The following INSIG1 variants were observed in gnomAD, a reference collection of about 807,000 sequenced individuals.
The protein encoded by INSIG1 is insulin induced gene 1, also known as insulin-induced gene 1 protein.
In INSIG1, 14 loss-of-function variants were observed where a neutral mutation model predicts 26.5. The observed-to-expected ratio is 0.53, with a 90% confidence interval of 0.35 to 0.83. The LOEUF (loss-of-function observed/expected upper bound fraction) is 0.83, where lower values mean the gene tolerates loss of function less well. Among genes scored for constraint, INSIG1 ranks in the 40% least tolerant of loss-of-function variants. The pLI, the probability that INSIG1 is intolerant of heterozygous loss-of-function variation, is 0.01. For missense variants in INSIG1, 272 were observed against 368.9 expected, an observed-to-expected ratio of 0.74 and a Z score of 2.15; for synonymous variants, 147 against 153.3, an observed-to-expected ratio of 0.96 and a Z score of 0.30.
intron 2 of INSIG1, among the ~76,000 whole-genome samples, chr7:155,300,939 G>A (rs957230133): frequency 2.6e-5 from 4 of 152,310 alleles, no homozygotes; most frequent in East Asian, 1.9e-4. Flanking sequence ...GGGCTGTCTC[G>A]CCCCGTACTT....
chr7:155,300,161 T>C (rs1797746110), intron 2 of INSIG1, among the ~76,000 whole-genome samples: 1 of 152,250 alleles, frequency 6.6e-6, no homozygotes, highest in South Asian at 2.1e-4. Flanking sequence ...GTTTCTTTCC[T>C]TTAACCAAAA....
Position 155,308,901 on chromosome 7 carries a change from A to G in INSIG1, c.*631A>G, listed in dbSNP as rs1798012757. 6.6e-6 allele frequency: 1 copy of G among 152,654 alleles called. No individual in the cohort carries two copies. The highest frequency in any genetic ancestry group is 1.5e-5 in the Non-Finnish European group (1 of 68,074). The allele number at this position is 152,654 out of a possible 1,614,324, so 9.5% of individuals were successfully genotyped here. A position where few individuals can be genotyped will look rare whatever the true frequency, so the allele number is the denominator to read the frequency against. ...ATCACCAGTGGGTCAACTGCTTGTC[A>G]TTCCTCCCGTGGCAGTTTGTGTAGA... On this transcript the variant is annotated 3_prime_UTR_variant, in exon 6 of 6. Transcript: ENST00000340368.
At chr7:155,301,911 T>A (rs924019609) in intron 3 of INSIG1, among the ~76,000 whole-genome samples, 3 of 129,016 alleles carry the variant, frequency 2.3e-5, no homozygotes, top group Non-Finnish European at 4.7e-5. Context: ...TATTTATTTA[T>A]ATTTTTATAT....
In INSIG1 at chr7:155,298,269, T is replaced by C. The variant is rs552961989; in HGVS notation, c.-17T>C. ...ACCCCCTTCTTCCAGGAAGCGCCTC[T>C]TGGACGCGTGTGACCGATGCCCAGA... On this transcript the variant is annotated 5_prime_UTR_variant, in exon 2 of 6. Transcript: ENST00000340368. The C allele has an allele frequency of 6.8e-7, 1 of 1,469,404 alleles. No homozygotes were observed. Among genetic ancestry groups the C allele is most frequent in the Non-Finnish European group, 9.0e-7 (1 of 1,114,518 alleles). 91.0% of individuals were successfully genotyped at this position (1,469,404 alleles called of 1,614,324 possible).
chr7:155,298,418 C>T lies in INSIG1; in HGVS notation c.133C>T (p.Pro45Ser), dbSNP rs376046556. ...GATGATCAACGTTTCCGTGTCCGGG[C>T]CCTCCCTGCTGGCGGCCCACGGTGC... ...GEMINVSVSG[P>S]SLLAAHGAPD... The change falls in exon 2 of 6, where the codon CCC becomes TCC. Residue 45 changes from proline (P) to serine (S), a missense_variant. Pro to Ser is a moderately conservative substitution (Grantham distance 74). Transcript: ENST00000340368. 1 of 1,558,118 alleles carries T rather than the reference C, an allele frequency of 6.4e-7. No individual in the cohort carries two copies. Among genetic ancestry groups the T allele is most frequent in the East Asian group, 2.4e-5 (1 of 42,070 alleles).
At chr7:155,303,455 T>C (rs1302256821) in intron 5 of INSIG1, among the ~76,000 whole-genome samples, 1 of 152,246 alleles carries the variant, frequency 6.6e-6, no homozygotes, top group Non-Finnish European at 1.5e-5. Flanking sequence ...AGAGCACCGC[T>C]GCACGTGGCC....
Position 155,298,401 on chromosome 7 carries a change from A to C in INSIG1, c.116A>C (p.Asn39Thr). ...GCGGCCAAGGTTGGGGAGATGATCAACGTTTCCGTGTCCGGGCCCTCCCTG... is the reference window on the plus strand; with the variant it reads ...GCGGCCAAGGTTGGGGAGATGATCACCGTTTCCGTGTCCGGGCCCTCCCTG... ...GLAAKVGEMINVSVSGPSLLA... is the reference protein window; with the variant it reads ...GLAAKVGEMITVSVSGPSLLA... The change falls in exon 2 of 6, where the codon AAC becomes ACC. Residue 39 changes from asparagine to threonine, a missense_variant. Transcript: ENST00000340368. 2 of 1,562,856 alleles carry C rather than the reference A, an allele frequency of 1.3e-6. No individual in the cohort carries two copies. The highest frequency in any genetic ancestry group is 1.7e-6 in the Non-Finnish European group (2 of 1,154,988).
chr7:155,301,518 G>A, intron 2 of INSIG1, 48 bp from the exon 3 acceptor site: 1 of 1,555,236 alleles, frequency 6.4e-7, no homozygotes, highest in South Asian at 1.2e-5. Flanking sequence ...TTGAAATTCT[G>A]GAACTTGAAT....
At position 155,308,512 on chromosome 7, in the gene INSIG1, C is replaced by G. The variant is rs1448600930; in HGVS notation, c.*242C>G. The G allele has an allele frequency of 5.4e-6, 3 of 560,112 alleles. No homozygotes were observed. Among genetic ancestry groups the G allele is most frequent in the Non-Finnish European group, 9.8e-6 (3 of 306,534 alleles). 34.7% of individuals were successfully genotyped at this position (560,112 alleles called of 1,614,324 possible). The stretch of plus-strand genomic sequence containing the variant: ...TGTCTGTGCCCTGGAGCATTCTGCC[C>G]AGGCTACGTGGGTTCAGGCAGGTGG... On this transcript the variant is annotated 3_prime_UTR_variant, in exon 6 of 6. Transcript: ENST00000340368.
At position 155,298,546 on chromosome 7, in the gene INSIG1, G is replaced by A; in HGVS notation, c.261G>A (p.Arg87=). The A allele has an allele frequency of 1.2e-6, 2 of 1,606,580 alleles. No individual in the cohort carries two copies. The highest frequency in any genetic ancestry group is 1.7e-6 in the Non-Finnish European group (2 of 1,176,636). ...PNTWHHRLLQ[R]SLVLFSVGVV... ...CCTGGCATCATCGCCTGTTGCAGAG[G>A]AGCCTCGTGCTCTTCTCGGTTGGGG... Residue 87 remains arginine (R), a synonymous_variant, in exon 2 of 6, where the codon AGG becomes AGA. Coordinates refer to ENST00000340368, the MANE Select transcript of INSIG1 (RefSeq NM_005542.6).
chr7:155,301,070 A>G (rs1797771329), intron 2 of INSIG1, among the ~76,000 whole-genome samples: 1 of 152,238 alleles, frequency 6.6e-6, no homozygotes, highest in South Asian at 2.1e-4. Context: ...AAGTCACATC[A>G]GCAAATATGT....
At position 155,302,687 on chromosome 7, in the gene INSIG1, G is replaced by A; in HGVS notation, c.705-60G>A. The A allele has an allele frequency of 2.6e-6, 3 of 1,148,874 alleles. No homozygotes were observed. Among genetic ancestry groups the A allele is most frequent in the Non-Finnish European group, 2.6e-6 (2 of 759,180 alleles). The allele number at this position is 1,148,874 out of a possible 1,614,324, so 71.2% of individuals were successfully genotyped here. ...CATATCCCCACTACAGAGAATCTGT[G>A]ATGTAGAATTGAGCCAGGTGAAATT... On this transcript the variant is annotated intron_variant, in intron 4 of 5. Transcript: ENST00000340368. This position sits in a 1 kb window ranked among gnomAD's most constrained non-coding sequence, Gnocchi z 4.3.
intron 5 of INSIG1, among the ~76,000 whole-genome samples, chr7:155,303,435 AGTG>A (rs1051099142): frequency 3.3e-5 from 5 of 152,320 alleles, no homozygotes; most frequent in East Asian, 3.9e-4. Context: ...GGCATGGAGA[AGTG>A]GTGATGAGAG....
intron 1 of INSIG1, 103 bp downstream of exon 1, chr7:155,298,062 C>G: frequency 2.5e-6 from 1 of 406,128 alleles, no homozygotes; most frequent in Admixed American, 4.6e-5. Context: ...GTCTTTGGGA[C>G]GCGGGTCCCG....
intron 2 of INSIG1, among the ~76,000 whole-genome samples, 158 bp from the exon 3 acceptor site, chr7:155,301,408 A>ACT (rs1797781254): frequency 6.6e-6 from 1 of 152,256 alleles, no homozygotes; most frequent in Admixed American, 6.5e-5. Flanking sequence ...AGTGGTACTC[A>ACT]AAGAGAACAA....
chr7:155,304,338 C>T (rs1435754209), intron 5 of INSIG1, among the ~76,000 whole-genome samples: 6 of 152,320 alleles, frequency 3.9e-5, no homozygotes, highest in East Asian at 1.9e-4. Flanking sequence ...CCATCATCCC[C>T]GTTAATAGTC....
Position 155,308,449 on chromosome 7 carries a change from T to TCAGGGTAAGTCATC in INSIG1, c.*179_*180insCAGGGTAAGTCATC. The TCAGGGTAAGTCATC allele has an allele frequency of 2.7e-6, 2 of 745,846 alleles. No homozygotes were observed. The highest frequency in any genetic ancestry group is 4.7e-6 in the Non-Finnish European group (2 of 426,094). 46.2% of individuals were successfully genotyped at this position (745,846 alleles called of 1,614,324 possible). A position where few individuals can be genotyped will look rare whatever the true frequency, so the allele number is the denominator to read the frequency against. On this transcript the variant is annotated 3_prime_UTR_variant, in exon 6 of 6. Coordinates refer to ENST00000340368, the MANE Select transcript of INSIG1 (RefSeq NM_005542.6). ...AATAGGGAGGTGGAGAATGATGACTTACCCTGAAGTCTTCCCTTGACTGCC... is the reference window on the plus strand; with the variant it reads ...AATAGGGAGGTGGAGAATGATGACTTCAGGGTAAGTCATCACCCTGAAGTCTTCCCTTGACTGCC...
rs780037209 is a variant in INSIG1 at position 155,302,705 on chromosome 7, G to A, written c.705-42G>A. The A allele has an allele frequency of 7.4e-7, 1 of 1,342,612 alleles. No individual in the cohort carries two copies. The highest frequency in any genetic ancestry group is 1.1e-6 in the Non-Finnish European group (1 of 933,972). The allele number at this position is 1,342,612 out of a possible 1,614,324, so 83.2% of individuals were successfully genotyped here. A position where few individuals can be genotyped will look rare whatever the true frequency, so the allele number is the denominator to read the frequency against. ...AATCTGTGATGTAGAATTGAGCCAG[G>A]TGAAATTGACTGCTAAGGTACAGTT... is the stretch of plus-strand genomic sequence containing the variant. On this transcript the variant is annotated intron_variant, in intron 4 of 5. Coordinates refer to ENST00000340368, the MANE Select transcript of INSIG1 (RefSeq NM_005542.6). The surrounding 1 kb of genome is among the most constrained non-coding windows in gnomAD (Gnocchi z 4.3).
rs372903186 is a variant in INSIG1 at position 155,302,485 on chromosome 7, C to A, written c.704+68C>A. Reference sequence around the variant, plus strand: ...AACTTTCATTAAAACATCCACTAAGCTTAGATATTTTCATATTTTATTTGT... The same window carrying A: ...AACTTTCATTAAAACATCCACTAAGATTAGATATTTTCATATTTTATTTGT... On this transcript the variant is annotated intron_variant, in intron 4 of 5. Coordinates refer to ENST00000340368, the MANE Select transcript of INSIG1 (RefSeq NM_005542.6). This position sits in a 1 kb window ranked among gnomAD's most constrained non-coding sequence, Gnocchi z 4.3. 3.2e-5 allele frequency: 44 copies of A among 1,366,788 alleles called. No homozygotes were observed. The African/African-American group carries it at 3.7e-4, about 11-fold the overall frequency. 84.7% of individuals were successfully genotyped at this position (1,366,788 alleles called of 1,614,324 possible). A position where few individuals can be genotyped will look rare whatever the true frequency, so the allele number is the denominator to read the frequency against.
Sources: allele counts gnomAD v4.1 joint callset (sites outside exome capture counted in the v4.1 genomes callset), GRCh38; gene constraint gnomAD v4.1.1; non-coding constraint Gnocchi (gnomAD v3.1); transcripts MANE v1.5; gene names NCBI Gene and HGNC (gene_info 2026-07-23, HGNC 2026-07-21).